CACNA2D3: variants seen among roughly 807,000 people sequenced by gnomAD.
CACNA2D3 encodes the protein calcium voltage-gated channel auxiliary subunit alpha2delta 3, also known as voltage-dependent calcium channel subunit alpha-2/delta-3.
Under a neutral mutation model 160.6 loss-of-function variants are expected in CACNA2D3, and 60 were observed. The observed-to-expected ratio is 0.37, with a 90% CI of 0.30 to 0.46. The LOEUF is 0.46. Ranked by LOEUF, CACNA2D3 falls within the 20% of genes least tolerant of loss-of-function variation. CACNA2D3 has a pLI of 1.00. For synonymous variants in CACNA2D3, 558 were observed against 492.9 expected (o/e 1.13, Z -1.75); for missense variants, 1,205 against 1,365.0 (o/e 0.88, Z 1.85).
At chr3:54,350,635 T>A (rs1157832112) in intron 3 of CACNA2D3, among the ~76,000 whole-genome samples, 1 of 152,226 alleles carries the variant, frequency 6.6e-6, no homozygotes, top group African/African-American at 2.4e-5. Flanking sequence ...AGTTTCAAGA[T>A]GATGGGCTCA....
intron 3 of CACNA2D3, among the ~76,000 whole-genome samples, chr3:54,363,440 A>G (rs1266516795): frequency 6.6e-6 from 1 of 152,080 alleles, no homozygotes; most frequent in Non-Finnish European, 1.5e-5. Context: ...CCTGGGGAAT[A>G]TTAGAATATT....
chr3:54,908,181 T>G (rs1232869633), intron 27 of CACNA2D3, among the ~76,000 whole-genome samples: 1 of 152,236 alleles, frequency 6.6e-6, no homozygotes. Flanking sequence ...CAGCAACATA[T>G]GAACATTCCA....
At chr3:54,663,241 GC>G (rs1700003139) in intron 11 of CACNA2D3, among the ~76,000 whole-genome samples, 1 of 152,184 alleles carries the variant, frequency 6.6e-6, no homozygotes, top group South Asian at 2.1e-4. Flanking sequence ...GAACTGACTA[GC>G]CTCTCTCTAG....
chr3:54,252,409 A>G (rs1702210785), intron 2 of CACNA2D3, among the ~76,000 whole-genome samples: 1 of 152,196 alleles, frequency 6.6e-6, no homozygotes, highest in Non-Finnish European at 1.5e-5. Flanking sequence ...GGCCAAGGAA[A>G]ATAGGCTGGT....
At chr3:54,471,443 A>T (rs1248146158) in intron 4 of CACNA2D3, among the ~76,000 whole-genome samples, 1 of 152,208 alleles carries the variant, frequency 6.6e-6, no homozygotes, top group Non-Finnish European at 1.5e-5. Flanking sequence ...CCCACAGGAG[A>T]AAGCAGGAAA....
chr3:54,977,469 C>T (rs1166433034), intron 29 of CACNA2D3, among the ~76,000 whole-genome samples: 1 of 152,060 alleles, frequency 6.6e-6, no homozygotes, highest in Non-Finnish European at 1.5e-5. Context: ...TCAATATTTA[C>T]AGTATTAGGC....
At chr3:54,821,637 T>G (rs948062062) in intron 14 of CACNA2D3, among the ~76,000 whole-genome samples, 5 of 147,766 alleles carry the variant, frequency 3.4e-5, no homozygotes, top group Admixed American at 2.1e-4. Context: ...TTCTAGAGTC[T>G]TTCGTTCTTT....
At chr3:55,066,486 C>T (rs1436855360) in intron 35 of CACNA2D3, among the ~76,000 whole-genome samples, 1 of 152,170 alleles carries the variant, frequency 6.6e-6, no homozygotes, top group Non-Finnish European at 1.5e-5. Context: ...GGGATCTTAT[C>T]CCTGCGTTCC....
At chr3:54,221,276 G>C (rs147254022) in intron 2 of CACNA2D3, among the ~76,000 whole-genome samples, 22 of 152,318 alleles carry the variant, frequency 1.4e-4, no homozygotes, top group African/African-American at 5.3e-4. Context: ...GTGAGAGGGT[G>C]GGATCGTGGG....
intron 5 of CACNA2D3, among the ~76,000 whole-genome samples, chr3:54,540,971 A>G (rs575491063): frequency 9.2e-5 from 14 of 152,268 alleles, no homozygotes; most frequent in Admixed American, 7.2e-4. Context: ...CAATCTAATA[A>G]TAGGTGTCCT....
chr3:54,937,867 T>A (rs1701369435), intron 27 of CACNA2D3, among the ~76,000 whole-genome samples: 1 of 152,082 alleles, frequency 6.6e-6, no homozygotes, highest in African/African-American at 2.4e-5. Flanking sequence ...GGCAAGCAGG[T>A]GCTGGAGAAG....
intron 27 of CACNA2D3, among the ~76,000 whole-genome samples, chr3:54,908,434 G>C (rs1219424468): frequency 6.6e-6 from 1 of 152,186 alleles, no homozygotes; most frequent in East Asian, 1.9e-4. Context: ...TACCTTGTCA[G>C]GCCGGGTGTG....
chr3:55,069,744 A>G (rs565139372), intron 35 of CACNA2D3, among the ~76,000 whole-genome samples: 10 of 152,258 alleles, frequency 6.6e-5, no homozygotes, highest in East Asian at 3.9e-4. Context: ...GTTCATGGCA[A>G]TTGGTCTGCT....
At chr3:54,618,603 T>G (rs570970111) in intron 9 of CACNA2D3, among the ~76,000 whole-genome samples, 1 of 152,144 alleles carries the variant, frequency 6.6e-6, no homozygotes, top group East Asian at 1.9e-4. Context: ...AAGTCCAAAT[T>G]TAGGTGTCCC....
At chr3:54,940,039 T>C (rs1701428199) in intron 27 of CACNA2D3, among the ~76,000 whole-genome samples, 1 of 149,230 alleles carries the variant, frequency 6.7e-6, no homozygotes. Context: ...GGGTGGAAGA[T>C]GGAGAAGGTG....
At chr3:54,899,430 A>G (rs1445226530) in intron 26 of CACNA2D3, among the ~76,000 whole-genome samples, 1 of 152,234 alleles carries the variant, frequency 6.6e-6, no homozygotes, top group Non-Finnish European at 1.5e-5. Context: ...ATATTTAGAC[A>G]GGCAGTGTAA....
chr3:54,134,037 A>G (rs569000420), intron 2 of CACNA2D3, among the ~76,000 whole-genome samples: 1 of 152,192 alleles, frequency 6.6e-6, no homozygotes, highest in South Asian at 2.1e-4. Flanking sequence ...TGTTTTTGTT[A>G]TTCCTATTCT....
chr3:54,866,010 C>A (rs905683635), intron 17 of CACNA2D3, among the ~76,000 whole-genome samples: 4 of 151,830 alleles, frequency 2.6e-5, no homozygotes, highest in African/African-American at 4.8e-5. Flanking sequence ...GACTCCAGGA[C>A]CCTGGCTTTA....
At chr3:54,206,292 A>G (rs1041900398) in intron 2 of CACNA2D3, among the ~76,000 whole-genome samples, 1 of 152,194 alleles carries the variant, frequency 6.6e-6, no homozygotes, top group Non-Finnish European at 1.5e-5. Context: ...GCTATGAGAC[A>G]CTGAGAAACG....
Sources: allele counts gnomAD v4.1 joint callset (sites outside exome capture counted in the v4.1 genomes callset), GRCh38; gene constraint gnomAD v4.1.1; transcripts MANE v1.5; gene names NCBI Gene and HGNC (gene_info 2026-07-23, HGNC 2026-07-21).